Variants in ELK3 observed in about 807,000 individuals in gnomAD.
ELK3 encodes the protein ETS transcription factor ELK3.
ELK3 carries 10 observed loss-of-function variants against 28.9 expected under a neutral mutation model. The ratio of observed to expected loss-of-function variants is 0.35; its 90% CI spans 0.21 to 0.59. The LOEUF (loss-of-function observed/expected upper bound fraction) is 0.59, where lower values mean the gene tolerates loss of function less well. Among genes scored for constraint, ELK3 ranks in the 20% least tolerant of loss-of-function variants. The pLI, the probability that ELK3 is intolerant of heterozygous loss-of-function variation, is 0.82. For synonymous variants in ELK3, 272 were observed against 243.5 expected (o/e 1.12, Z -1.09); for missense variants, 463 against 517.3 (o/e 0.90, Z 1.02).
At chr12:96,208,040 G>T (rs567865467) in intron 1 of ELK3, among the ~76,000 whole-genome samples, 1 of 152,224 alleles carries the variant, frequency 6.6e-6, no homozygotes, top group Non-Finnish European at 1.5e-5. Flanking sequence ...GCTGATGTTA[G>T]AGGGCAGTTT....
At position 96,247,695 on chromosome 12, in the gene ELK3, C is replaced by G. The variant is rs1233427773; in HGVS notation, c.963C>G (p.Leu321=). The G allele has an allele frequency of 6.2e-7, 1 of 1,605,632 alleles. No individual in the cohort carries two copies. Among genetic ancestry groups the G allele is most frequent in the African/African-American group, 1.3e-5 (1 of 74,698 alleles). ...IGSIALNSPA[L]PSGSLTPAFF... is the part of the protein sequence containing the mutation. The stretch of plus-strand genomic sequence containing the variant: ...CCATCGCCCTCAACAGCCCAGCCCT[C>G]CCCTCGGGATCCCTCACCCCAGCCT... The change falls in exon 3 of 5, where the codon CTC becomes CTG. Residue 321 remains leucine (L), a synonymous_variant. Transcript: ENST00000228741. This position sits in a 1 kb window ranked among gnomAD's most constrained non-coding sequence, Gnocchi z 5.5.
In ELK3 at chr12:96,247,384, G is replaced by C. The variant is rs764803238; in HGVS notation, c.652G>C (p.Val218Leu). 2.9e-5 allele frequency: 46 copies of C among 1,614,010 alleles called. No homozygotes were observed. Among genetic ancestry groups the C allele is most frequent in the Non-Finnish European group, 3.6e-5 (43 of 1,180,048 alleles). Residue 218 changes from valine (V) to leucine (L), a missense_variant, in exon 3 of 5, where the codon GTC becomes CTC. This residue lies in a region of ELK3 where 408 missense variants were observed against 414.8 expected (regional missense o/e 0.98). Transcript: ENST00000228741. This position sits in a 1 kb window ranked among gnomAD's most constrained non-coding sequence, Gnocchi z 5.5. ...AAASAFLASS[V>L]SAKISSLMLP... ...GGCGTCCGCCTTCCTGGCCTCGTCCGTCTCGGCCAAGATCTCCTCTTTAAT... is the reference window on the plus strand; with the variant it reads ...GGCGTCCGCCTTCCTGGCCTCGTCCCTCTCGGCCAAGATCTCCTCTTTAAT...
At chr12:96,238,691 G>C (rs1951799806) in intron 2 of ELK3, among the ~76,000 whole-genome samples, 1 of 152,236 alleles carries the variant, frequency 6.6e-6, no homozygotes, top group Non-Finnish European at 1.5e-5. Context: ...CTCCAAAGCA[G>C]GCACCTTCTC....
intron 3 of ELK3, among the ~76,000 whole-genome samples, chr12:96,252,671 G>C (rs889800171): frequency 6.6e-6 from 1 of 152,182 alleles, no homozygotes; most frequent in African/African-American, 2.4e-5. Context: ...GCCTGGAGAT[G>C]CAACCAAATT....
At chr12:96,202,129 C>G (rs1198228347) in intron 1 of ELK3, among the ~76,000 whole-genome samples, 1 of 152,152 alleles carries the variant, frequency 6.6e-6, no homozygotes, top group African/African-American at 2.4e-5. Flanking sequence ...CGCTCTGATC[C>G]CTTCTCTCCC....
At chr12:96,224,475 C>T (rs997992383) in intron 2 of ELK3, among the ~76,000 whole-genome samples, 9 of 152,174 alleles carry the variant, frequency 5.9e-5, no homozygotes, top group Non-Finnish European at 1.2e-4. Flanking sequence ...ACTTAGAACA[C>T]TGCTTGGTAT....
chr12:96,264,199 G>C (rs759893752), intron 4 of ELK3, among the ~76,000 whole-genome samples: 1 of 152,068 alleles, frequency 6.6e-6, no homozygotes, highest in African/African-American at 2.4e-5. Flanking sequence ...TGCTCAGGCT[G>C]GTTTTGAACT....
At chr12:96,222,724 A>G (rs1158807414) in intron 1 of ELK3, 1 of 152,272 alleles carries the variant, frequency 6.6e-6, no homozygotes, top group Non-Finnish European at 1.5e-5. Flanking sequence ...GGGGTCCAGC[A>G]TTTTAGTTAG....
intron 1 of ELK3, among the ~76,000 whole-genome samples, chr12:96,210,647 C>T (rs1166589749): frequency 1.3e-5 from 2 of 152,098 alleles, no homozygotes; most frequent in African/African-American, 4.8e-5. Context: ...CGCAGCTTCT[C>T]AACGGCCCAC....
rs905446570 is a variant in ELK3 at position 96,194,574 on chromosome 12, AAAG to A, written c.-133_-131del. The A allele has an allele frequency of 6.7e-6, 1 of 149,888 alleles. No homozygotes were observed. Among genetic ancestry groups the A allele is most frequent in the African/African-American group, 2.4e-5 (1 of 41,102 alleles). The allele number at this position is 149,888 out of a possible 1,614,324, so 9.3% of individuals were successfully genotyped here. On this transcript the variant is annotated 5_prime_UTR_variant, in exon 1 of 5. Coordinates refer to ENST00000228741, the MANE Select transcript of ELK3 (RefSeq NM_005230.4). ...AAAAAGAGGAGCGAGAGAAAGAAAA[AAAG>A]GGGGAAAAATCAGGATCTCATTACA...
intron 1 of ELK3, among the ~76,000 whole-genome samples, chr12:96,208,442 C>G (rs2887095): frequency 0.3 from 45,223 of 152,164 alleles, 7,165 homozygotes; most frequent in East Asian, 0.6. Flanking sequence ...AAGAAAGTTC[C>G]CAGTTTTCCT....
chr12:96,206,350 TC>T (rs1357388948), intron 1 of ELK3, among the ~76,000 whole-genome samples: 1 of 151,958 alleles, frequency 6.6e-6, no homozygotes, highest in Non-Finnish European at 1.5e-5. Flanking sequence ...AGAGTCTCAC[TC>T]TGTTGTCCAG....
chr12:96,254,833 C>T (rs531705441), intron 3 of ELK3, among the ~76,000 whole-genome samples: 45 of 152,060 alleles, frequency 3.0e-4, no homozygotes, highest in African/African-American at 1.1e-3. Context: ...ACCACTGGTA[C>T]AGGGTGTTGA....
At chr12:96,253,009 G>A (rs367683778) in intron 3 of ELK3, among the ~76,000 whole-genome samples, 3 of 152,106 alleles carry the variant, frequency 2.0e-5, no homozygotes, top group South Asian at 2.1e-4. Flanking sequence ...GCCTGTAATC[G>A]CAGCACTTTG....
At position 96,222,634 on chromosome 12, in the gene ELK3, C is replaced by T. The variant is rs186077392; in HGVS notation, c.-2-931C>T. Among the ~76,000 whole-genome samples the T allele has an allele frequency of 5.3e-5, 8 of 152,264 alleles. No individual in the cohort carries two copies. The East Asian group carries it at 1.4e-3, about 26-fold the overall frequency. ...AGCAAAGTCCTTTCCTCGTGAAGCT[C>T]ATCACAGTAGGAAAGGCAGTTACAC... On this transcript the variant is annotated intron_variant, in intron 1 of 4. Coordinates refer to ENST00000228741, the MANE Select transcript of ELK3 (RefSeq NM_005230.4).
chr12:96,227,330 T>C (rs923016126), intron 2 of ELK3, among the ~76,000 whole-genome samples: 3 of 152,212 alleles, frequency 2.0e-5, no homozygotes, highest in South Asian at 4.1e-4. Flanking sequence ...GGCAGCTGCG[T>C]CCTTTTTCCC....
intron 4 of ELK3, among the ~76,000 whole-genome samples, chr12:96,262,717 G>A (rs1952002124): frequency 6.6e-6 from 1 of 152,118 alleles, no homozygotes; most frequent in Non-Finnish European, 1.5e-5. Flanking sequence ...ACAAAATATG[G>A]TAGAGGAATA....
At chr12:96,203,377 T>C (rs1951518667) in intron 1 of ELK3, among the ~76,000 whole-genome samples, 1 of 152,246 alleles carries the variant, frequency 6.6e-6, no homozygotes, top group Non-Finnish European at 1.5e-5. Flanking sequence ...GTCTGTGTCA[T>C]GTGCTGCATG....
Position 96,242,020 on chromosome 12 carries a change from ACT to A in ELK3, c.208-4917_208-4916del, listed in dbSNP as rs954512395. Among the ~76,000 whole-genome samples, 166 of 152,234 alleles carry A rather than the reference ACT, an allele frequency of 1.1e-3. 6 individuals are homozygous for A. Among genetic ancestry groups the A allele is most frequent in the Admixed American group, 0.011 (164 of 15,300 alleles). ...TAAGAGGGAAGCGGATGTGTGTAAC[ACT>A]CTAAAACCACGCTGGAGATGCACTC... On this transcript the variant is annotated intron_variant, in intron 2 of 4. Coordinates refer to ENST00000228741, the MANE Select transcript of ELK3 (RefSeq NM_005230.4).
Sources: gnomAD v4.1 joint callset for allele counts (sites outside exome capture counted in the v4.1 genomes callset) on GRCh38, gnomAD v4.1.1 for gene constraint, gnomAD v4.1.1 regional missense constraint, Gnocchi (gnomAD v3.1) non-coding constraint, MANE v1.5 for transcripts, NCBI Gene and HGNC (gene_info 2026-07-23, HGNC 2026-07-21) for gene names.